Variants in GCNT2 observed in about 807,000 individuals in gnomAD.
GCNT2 encodes N-acetyllactosaminide beta-1,6-N-acetylglucosaminyl-transferase.
GCNT2 carries 34 observed loss-of-function variants against 34.2 expected under a neutral mutation model. That is an observed-to-expected ratio of 1.00 (90% confidence interval 0.76 to 1.32). The LOEUF (loss-of-function observed/expected upper bound fraction) is 1.32. Among genes scored for constraint, GCNT2 ranks in the 40% most tolerant of loss-of-function variants. The probability of loss-of-function intolerance (pLI) is 0.00; values close to 1 mark genes in which losing one functional copy is unlikely to be tolerated. For synonymous variants in GCNT2, 212 were observed against 188.0 expected, an observed-to-expected ratio of 1.13 and a Z score of -1.04; for missense variants, 584 against 489.4, an observed-to-expected ratio of 1.19 and a Z score of -1.82.
At chr6:10,586,640 A>T in intron 3 of GCNT2, 2 of 1,614,208 alleles carry the variant, frequency 1.2e-6, no homozygotes, top group South Asian at 2.2e-5. Context: ...ATATCACCCC[A>T]GGGGTGCTGC....
chr6:10,573,136 GA>G, intron 3 of GCNT2: 3 of 958,996 alleles, frequency 3.1e-6, no homozygotes, highest in Non-Finnish European at 3.7e-6. Context: ...AAAGTGTTCG[GA>G]AGATATAAAG....
intron 3 of GCNT2, among the ~76,000 whole-genome samples, chr6:10,560,675 T>C (rs947662323): frequency 2.6e-5 from 4 of 152,102 alleles, no homozygotes; most frequent in African/African-American, 7.2e-5. Context: ...TCGGTTCGAA[T>C]TGGCGAGACT....
chr6:10,557,335 G>A (rs757727752), intron 3 of GCNT2: 1 of 1,611,664 alleles, frequency 6.2e-7, no homozygotes, highest in South Asian at 1.1e-5. Flanking sequence ...CACTCAATAG[G>A]ATTCCAGGTA....
intron 3 of GCNT2, among the ~76,000 whole-genome samples, chr6:10,551,824 C>T (rs1487418446): frequency 6.6e-6 from 1 of 151,920 alleles, no homozygotes; most frequent in Non-Finnish European, 1.5e-5. Flanking sequence ...GTGGCGCCAC[C>T]TCGGCTCACT....
intron 3 of GCNT2, among the ~76,000 whole-genome samples, chr6:10,582,224 AT>A (rs1394920029): frequency 4.7e-5 from 6 of 126,342 alleles, no homozygotes; most frequent in African/African-American, 1.8e-4. Context: ...ATATATAATT[AT>A]ATATATTTAA....
intron 3 of GCNT2, among the ~76,000 whole-genome samples, chr6:10,574,562 T>C (rs1581429457): frequency 6.6e-6 from 1 of 152,322 alleles, no homozygotes; most frequent in South Asian, 2.1e-4. Context: ...TAGGTGATTG[T>C]AAAGATCCCA....
intron 3 of GCNT2, among the ~76,000 whole-genome samples, chr6:10,563,602 C>T (rs1046065320): frequency 2.6e-5 from 4 of 151,118 alleles, no homozygotes; most frequent in Non-Finnish European, 4.4e-5. Context: ...ATTAGCCTGG[C>T]GTGGTGGCAG....
intron 3 of GCNT2, among the ~76,000 whole-genome samples, chr6:10,617,564 A>G (rs1014696617): frequency 6.6e-6 from 1 of 152,178 alleles, no homozygotes; most frequent in South Asian, 2.1e-4. Context: ...GCATGCTGTC[A>G]TCGCTCACCG....
At chr6:10,578,891 T>C (rs1392023445) in intron 3 of GCNT2, among the ~76,000 whole-genome samples, 3 of 152,176 alleles carry the variant, frequency 2.0e-5, no homozygotes, top group African/African-American at 7.2e-5. Flanking sequence ...ATTAACCACA[T>C]TGAGGAACTG....
chr6:10,587,886 A>C (rs1007257902), intron 3 of GCNT2, among the ~76,000 whole-genome samples: 1 of 152,178 alleles, frequency 6.6e-6, no homozygotes, highest in Non-Finnish European at 1.5e-5. Flanking sequence ...CAAGCCTCAC[A>C]TACTTCCTGT....
intron 3 of GCNT2, among the ~76,000 whole-genome samples, chr6:10,551,355 G>A (rs1452636783): frequency 6.6e-6 from 1 of 151,484 alleles, no homozygotes; most frequent in East Asian, 1.9e-4. Flanking sequence ...TGCCGCCTGG[G>A]TCTTTAAAAT....
chr6:10,576,920 CAATAAT>C (rs142548361), intron 3 of GCNT2, among the ~76,000 whole-genome samples: 3,402 of 151,414 alleles, frequency 0.022, 107 homozygotes, highest in African/African-American at 0.073. Flanking sequence ...AAAATAATAA[CAATAAT>C]AATAATAATA....
chr6:10,552,558 A>G (rs1762531054), intron 3 of GCNT2, among the ~76,000 whole-genome samples: 5 of 151,888 alleles, frequency 3.3e-5, no homozygotes, highest in Non-Finnish European at 7.4e-5. Context: ...TAGCATTTAC[A>G]TTGTATTCGG....
intron 3 of GCNT2, chr6:10,573,104 G>T: frequency 1.3e-6 from 1 of 787,514 alleles, no homozygotes; most frequent in Non-Finnish European, 1.5e-6. Context: ...TCTATTTTAA[G>T]ACTTTTGTTT....
intron 3 of GCNT2, among the ~76,000 whole-genome samples, chr6:10,593,171 G>A (rs1764721111): frequency 6.6e-6 from 1 of 152,146 alleles, no homozygotes; most frequent in Non-Finnish European, 1.5e-5. Context: ...ATCATGATTG[G>A]TAAACATCTA....
chr6:10,581,949 T>C (rs1378672874), intron 3 of GCNT2: 1 of 692,450 alleles, frequency 1.4e-6, no homozygotes, highest in African/African-American at 2.0e-5. Flanking sequence ...TGAATATACA[T>C]AATAAAATAG....
At chr6:10,577,437 A>G (rs2127403205) in intron 3 of GCNT2, among the ~76,000 whole-genome samples, 1 of 152,356 alleles carries the variant, frequency 6.6e-6, no homozygotes, top group African/African-American at 2.4e-5. Context: ...CTGATAGGTC[A>G]CCGAGCAGTC....
chr6:10,532,859 G>A (rs551843577), intron 3 of GCNT2, among the ~76,000 whole-genome samples: 2 of 150,952 alleles, frequency 1.3e-5, no homozygotes, highest in South Asian at 4.2e-4. Flanking sequence ...GGAGATCTGA[G>A]CCATTTTCCG....
intron 3 of GCNT2, among the ~76,000 whole-genome samples, chr6:10,584,010 CACAGAG>C (rs1054725554): frequency 2.4e-4 from 36 of 152,256 alleles, no homozygotes; most frequent in Non-Finnish European, 4.7e-4. Context: ...AGAAATAAGA[CACAGAG>C]ACAAAGTACA....
Sources: gnomAD v4.1 joint callset for allele counts (sites outside exome capture counted in the v4.1 genomes callset) on GRCh38, gnomAD v4.1.1 for gene constraint, MANE v1.5 for transcripts, NCBI Gene and HGNC (gene_info 2026-07-23, HGNC 2026-07-21) for gene names.